MED13L: variants seen among roughly 807,000 people sequenced by gnomAD.
MED13L encodes the protein mediator complex subunit 13L.
In MED13L, 7 loss-of-function variants were observed where a neutral mutation model predicts 220.9. The ratio of observed to expected loss-of-function variants is 0.03; its 90% CI spans 0.02 to 0.06. The LOEUF (loss-of-function observed/expected upper bound fraction) is 0.06. Among genes scored for constraint, MED13L ranks in the 10% least tolerant of loss-of-function variants. The pLI is 1.00. For missense variants in MED13L, 1,965 were observed against 2,760.5 expected (o/e 0.71, Z 6.46); for synonymous variants, 1,011 against 1,015.2 (o/e 1.00, Z 0.08).
At chr12:116,160,108 C>G (rs1177757278) in intron 2 of MED13L, among the ~76,000 whole-genome samples, 2 of 152,172 alleles carry the variant, frequency 1.3e-5, no homozygotes, top group African/African-American at 4.8e-5. Context: ...ACCATGTTTA[C>G]AGCTGAGTTT....
intron 2 of MED13L, among the ~76,000 whole-genome samples, chr12:116,124,166 G>A (rs994596429): frequency 6.6e-6 from 1 of 151,232 alleles, no homozygotes; most frequent in African/African-American, 2.4e-5. Flanking sequence ...GACAGAGAGA[G>A]ACAGAGAGAG....
At chr12:116,250,800 T>A (rs12310235) in intron 1 of MED13L, among the ~76,000 whole-genome samples, 2,469 of 144,044 alleles carry the variant, frequency 0.017, 49 homozygotes, top group African/African-American at 0.046. Flanking sequence ...AAAAAAAAAA[T>A]TTGTTTTCTC....
At position 116,083,401 on chromosome 12, in the gene MED13L, A is replaced by AG. The variant is rs1299146348; in HGVS notation, c.479+13267dup. On this transcript the variant is annotated intron_variant, in intron 4 of 30. Coordinates refer to ENST00000281928, the MANE Select transcript of MED13L (RefSeq NM_015335.5). ...TGGAAGACAGAGCGAGACTGTCTCG[A>AG]GGGAAAAAAAAAAAAAAAAAAAAAA... is the stretch of plus-strand genomic sequence containing the variant. Among the ~76,000 whole-genome samples, 261 of 76,338 alleles carry AG rather than the reference A, an allele frequency of 3.4e-3. 1 individual carries two copies. The highest frequency in any genetic ancestry group is 8.0e-3 in the African/African-American group (127 of 15,832). The allele number at this position is 76,338 out of a possible 152,430, so 50.1% of individuals were successfully genotyped here. A position where few individuals can be genotyped will look rare whatever the true frequency, so the allele number is the denominator to read the frequency against.
chr12:116,049,287 A>C (rs1882015826), intron 4 of MED13L, among the ~76,000 whole-genome samples: 1 of 152,250 alleles, frequency 6.6e-6, no homozygotes. Context: ...CTCATAAACC[A>C]TTATGGATGA....
intron 22 of MED13L, chr12:115,981,890 T>G (rs551813993): frequency 2.4e-4 from 38 of 159,158 alleles, no homozygotes; most frequent in South Asian, 1.1e-3. Flanking sequence ...GGTGGTTGAA[T>G]GTAAAAGACG....
chr12:116,253,744 GTTT>G (rs1278727900), intron 1 of MED13L, among the ~76,000 whole-genome samples: 2 of 108,686 alleles, frequency 1.8e-5, no homozygotes, highest in Admixed American at 9.3e-5. Context: ...CACCTTCACG[GTTT>G]TTTTTGTTTT....
intron 4 of MED13L, among the ~76,000 whole-genome samples, chr12:116,043,433 G>T (rs1881652539): frequency 6.6e-6 from 1 of 152,242 alleles, no homozygotes; most frequent in Admixed American, 6.5e-5. Flanking sequence ...TCTACATGCT[G>T]CCTCCCATTT....
intron 4 of MED13L, among the ~76,000 whole-genome samples, chr12:116,027,136 A>G (rs976069660): frequency 2.0e-5 from 3 of 152,204 alleles, no homozygotes; most frequent in South Asian, 2.1e-4. Context: ...AAAAAACCTA[A>G]TAACAGCTGG....
intron 2 of MED13L, among the ~76,000 whole-genome samples, chr12:116,157,176 C>T (rs1164560816): frequency 6.6e-6 from 1 of 152,076 alleles, no homozygotes; most frequent in Non-Finnish European, 1.5e-5. Context: ...CTTAAATGTT[C>T]TTCCCTTCAT....
intron 4 of MED13L, among the ~76,000 whole-genome samples, chr12:116,036,530 G>A (rs1012658308): frequency 1.4e-4 from 21 of 152,158 alleles, no homozygotes; most frequent in Non-Finnish European, 1.3e-4. Flanking sequence ...CTTTCAAAAC[G>A]TATTATGAAT....
chr12:116,172,958 C>G (rs770886361), intron 2 of MED13L, among the ~76,000 whole-genome samples: 70 of 151,020 alleles, frequency 4.6e-4, no homozygotes, highest in Non-Finnish European at 7.8e-4. Flanking sequence ...AGTACTATTC[C>G]GTGCTATACA....
Position 116,076,599 on chromosome 12 carries a change from C to T in MED13L, c.479+20070G>A, listed in dbSNP as rs1177052347. ...GCACTCACTAAAAACAGTCCCAGGG[C>T]ACATTAATGAATTCTGCAGAAGCAA... On this transcript the variant is annotated intron_variant, in intron 4 of 30. Coordinates refer to ENST00000281928, the MANE Select transcript of MED13L (RefSeq NM_015335.5). Among the ~76,000 whole-genome samples, 3 of 152,090 alleles carry T rather than the reference C, an allele frequency of 2.0e-5. No individual in the cohort carries two copies. The East Asian group carries it at 5.8e-4, about 29-fold the overall frequency.
At chr12:116,203,557 C>T (rs1330204863) in intron 2 of MED13L, among the ~76,000 whole-genome samples, 1 of 152,082 alleles carries the variant, frequency 6.6e-6, no homozygotes, top group African/African-American at 2.4e-5. Context: ...CAGTGGCTCA[C>T]ACCTGTAATC....
chr12:116,259,390 T>TTG (rs1381489991), intron 1 of MED13L, among the ~76,000 whole-genome samples: 2 of 152,066 alleles, frequency 1.3e-5, no homozygotes, highest in African/African-American at 2.4e-5. Context: ...GAACATAACA[T>TTG]TAAAGGCAGT....
At chr12:116,261,871 G>A (rs1300557186) in intron 1 of MED13L, among the ~76,000 whole-genome samples, 1 of 152,082 alleles carries the variant, frequency 6.6e-6, no homozygotes, top group African/African-American at 2.4e-5. Flanking sequence ...CATTCCTACT[G>A]GCCCTGCGTT....
intron 25 of MED13L, among the ~76,000 whole-genome samples, chr12:115,973,811 T>A (rs1876751310): frequency 6.6e-6 from 1 of 152,166 alleles, no homozygotes; most frequent in Admixed American, 6.5e-5. Flanking sequence ...GGTCTATTAG[T>A]CTACAGTACA....
At chr12:116,053,273 T>C (rs1337564385) in intron 4 of MED13L, among the ~76,000 whole-genome samples, 1 of 152,214 alleles carries the variant, frequency 6.6e-6, no homozygotes, top group Admixed American at 6.5e-5. Context: ...AAGGAATTTA[T>C]ACTCTTCTAG....
chr12:116,204,563 T>C (rs1384819959), intron 2 of MED13L, among the ~76,000 whole-genome samples: 1 of 152,234 alleles, frequency 6.6e-6, no homozygotes, highest in Non-Finnish European at 1.5e-5. Flanking sequence ...GTATGTGTTC[T>C]GGTGTTTGCT....
At chr12:116,177,273 G>A (rs1010220115) in intron 2 of MED13L, among the ~76,000 whole-genome samples, 2 of 151,982 alleles carry the variant, frequency 1.3e-5, no homozygotes, top group Admixed American at 6.6e-5. Flanking sequence ...TTCTATTATC[G>A]TAAGTTAGTT....
Sources: gnomAD v4.1 joint callset for allele counts (sites outside exome capture counted in the v4.1 genomes callset) on GRCh38, gnomAD v4.1.1 for gene constraint, MANE v1.5 for transcripts, NCBI Gene and HGNC (gene_info 2026-07-23, HGNC 2026-07-21) for gene names.